Variants in EIF2B5 observed in about 807,000 individuals in gnomAD.
EIF2B5 encodes translation initiation factor eIF2B subunit epsilon.
In EIF2B5, 38 loss-of-function variants were observed where a neutral mutation model predicts 87.3. The ratio of observed to expected loss-of-function variants is 0.44; its 90% CI spans 0.34 to 0.57. EIF2B5 has a LOEUF of 0.57. Among genes scored for constraint, EIF2B5 ranks in the 20% least tolerant of loss-of-function variants. EIF2B5 has a pLI of 0.02. For missense variants in EIF2B5, 784 were observed against 909.5 expected (o/e 0.86, Z 1.78); for synonymous variants, 313 against 339.6 (o/e 0.92, Z 0.86).
Position 184,140,656 on chromosome 3 carries a change from T to C in EIF2B5, c.1082T>C (p.Leu361Pro), listed in dbSNP as rs894280657. 6.2e-7 allele frequency: 1 copy of C among 1,614,044 alleles called. No homozygotes were observed. Among genetic ancestry groups the C allele is most frequent in the Non-Finnish European group, 8.5e-7 (1 of 1,180,036 alleles). ...GGCAGCATCCTAGAGGAAAATGTGC[T>C]CCTGGGCTCTGGCACTGTCATTGGC... is the stretch of plus-strand genomic sequence containing the variant. ...GHGSILEENV[L>P]LGSGTVIGSN... The change falls in exon 7 of 16, where the codon CTC becomes CCC. Residue 361 changes from leucine to proline, a missense_variant. Coordinates refer to ENST00000648915, the MANE Select transcript of EIF2B5 (RefSeq NM_003907.3).
chr3:184,141,638 G>A lies in EIF2B5; in HGVS notation c.1157-287G>A, dbSNP rs371855287. ...GAATTATTTGGTTCTGCTTGTAGGCGTGGATATGATTCTAATAAGGTTTTT... is the reference window on the plus strand; with the variant it reads ...GAATTATTTGGTTCTGCTTGTAGGCATGGATATGATTCTAATAAGGTTTTT... On this transcript the variant is annotated intron_variant, in intron 7 of 15. Coordinates refer to ENST00000648915, the MANE Select transcript of EIF2B5 (RefSeq NM_003907.3). Among the ~76,000 whole-genome samples the A allele has an allele frequency of 1.3e-4, 20 of 152,250 alleles. No individual in the cohort carries two copies. The East Asian group carries it at 1.4e-3, about 10-fold the overall frequency.
At chr3:184,137,490 A>G in intron 2 of EIF2B5, 130 bp from the exon 3 acceptor site, 1 of 825,730 alleles carries the variant, frequency 1.2e-6, no homozygotes. Flanking sequence ...TTTGAAGTTG[A>G]AGACGCTGGC....
chr3:184,139,117 G>A (rs945344203), intron 5 of EIF2B5, among the ~76,000 whole-genome samples: 4 of 151,792 alleles, frequency 2.6e-5, no homozygotes, highest in South Asian at 2.1e-4. Context: ...CTACAGGTAC[G>A]CACCACCACA....
intron 2 of EIF2B5, chr3:184,137,062 G>A (rs1577029204): frequency 2.7e-6 from 1 of 377,138 alleles, no homozygotes; most frequent in East Asian, 6.7e-5. Flanking sequence ...TTCCCACTGA[G>A]TTTCTAAATC....
Position 184,145,116 on chromosome 3 carries a change from A to T in EIF2B5, c.*173A>T, listed in dbSNP as rs1713811807. On this transcript the variant is annotated 3_prime_UTR_variant, in exon 16 of 16. Transcript: ENST00000648915. The surrounding 1 kb of genome is among the most constrained non-coding windows in gnomAD (Gnocchi z 4.0). ...CCCTGCTAGCAACCATGTGCCTCCC[A>T]TCCTGACTGTGGAGTTGGGATGTGG... The T allele has an allele frequency of 2.9e-6, 2 of 688,394 alleles. No individual in the cohort carries two copies. Among genetic ancestry groups the T allele is most frequent in the African/African-American group, 1.8e-5 (1 of 56,948 alleles). 42.6% of individuals were successfully genotyped at this position (688,394 alleles called of 1,614,324 possible).
At chr3:184,143,658 C>A (rs907662592) in intron 13 of EIF2B5, 93 bp downstream of exon 13, 4 of 1,590,140 alleles carry the variant, frequency 2.5e-6, no homozygotes, top group Non-Finnish European at 3.4e-6. Flanking sequence ...TATGTCACTT[C>A]TGGTTCCTTT....
intron 1 of EIF2B5, among the ~76,000 whole-genome samples, chr3:184,136,280 G>A (rs1024419010): frequency 6.6e-6 from 1 of 152,186 alleles, no homozygotes; most frequent in African/African-American, 2.4e-5. Context: ...AAATCTTATG[G>A]GGAAGAAGGC....
chr3:184,137,645 T>A lies in EIF2B5; in HGVS notation c.346T>A (p.Ser116Thr). 6.2e-7 allele frequency: 1 copy of A among 1,614,174 alleles called. No homozygotes were observed. The stretch of plus-strand genomic sequence containing the variant: ...GAAGTCAAAGTGGTGCCGCCCTACA[T>A]CTCTCAATGTGGTTCGAATAATTAC... ...LLKSKWCRPT[S>T]LNVVRIITSE... is the part of the protein sequence containing the mutation. Residue 116 changes from serine to threonine, a missense_variant, in exon 3 of 16, where the codon TCT becomes ACT. Physicochemically the swap from Ser to Thr is moderately conservative, Grantham distance 58 (BLOSUM62 1). This residue lies in a region of EIF2B5 where 660 missense variants were observed against 789.5 expected (regional missense o/e 0.84). Coordinates refer to ENST00000648915, the MANE Select transcript of EIF2B5 (RefSeq NM_003907.3).
In EIF2B5 at chr3:184,142,048, C is replaced by T. The variant is rs113994078; in HGVS notation, c.1280C>T (p.Pro427Leu). ...GTCAAGGAACGAGTGACACTGAAACCACGCTCTGTCCTCACTTCCCAGGTG... is the reference window on the plus strand; with the variant it reads ...GTCAAGGAACGAGTGACACTGAAACTACGCTCTGTCCTCACTTCCCAGGTG... ...AEVKERVTLK[P>L]RSVLTSQVVV... The change falls in exon 8 of 16, where the codon CCA becomes CTA. Residue 427 changes from proline (P) to leucine (L), a missense_variant. Around this residue, in one of 3 missense-constraint regions of EIF2B5, gnomAD observed 660 missense variants for 789.5 expected, o/e 0.84. Transcript: ENST00000648915. This position sits in a 1 kb window ranked among gnomAD's most constrained non-coding sequence, Gnocchi z 5.0. 6.8e-6 allele frequency: 11 copies of T among 1,614,160 alleles called. No homozygotes were observed. The highest frequency in any genetic ancestry group is 9.3e-6 in the Non-Finnish European group (11 of 1,180,034).
chr3:184,142,186 G>A lies in EIF2B5; in HGVS notation c.1303-51G>A. On this transcript the variant is annotated intron_variant, in intron 8 of 15. Transcript: ENST00000648915. This position sits in a 1 kb window ranked among gnomAD's most constrained non-coding sequence, Gnocchi z 5.0. ...CTAAAAAAGTTGCTCTCATTATCAG[G>A]ATGCACTTTTCCTCCACACCCTAAT... 1 of 1,614,014 alleles carries A rather than the reference G, an allele frequency of 6.2e-7. No homozygotes were observed. The highest frequency in any genetic ancestry group is 8.5e-7 in the Non-Finnish European group (1 of 1,180,008).
Position 184,142,077 on chromosome 3 carries a change from C to A in EIF2B5, c.1302+7C>A, listed in dbSNP as rs943767745. On this transcript the variant is annotated splice_region_variant and intron_variant, in intron 8 of 15. Coordinates refer to ENST00000648915, the MANE Select transcript of EIF2B5 (RefSeq NM_003907.3). This position sits in a 1 kb window ranked among gnomAD's most constrained non-coding sequence, Gnocchi z 5.0. ...CTCTGTCCTCACTTCCCAGGTGAGA[C>A]CTGATCTATACTGTGCACAGGCCCT... is the stretch of plus-strand genomic sequence containing the variant. 2 of 1,614,010 alleles carry A rather than the reference C, an allele frequency of 1.2e-6. No homozygotes were observed. Among genetic ancestry groups the A allele is most frequent in the African/African-American group, 2.7e-5 (2 of 74,906 alleles).
Position 184,142,444 on chromosome 3 carries a change from C to T in EIF2B5, c.1445-58C>T. ...TGCCTCATAGAAGAACCAGTGTTTC[C>T]TCCTGGAGGGATTGGTGCTTCCGCC... On this transcript the variant is annotated intron_variant, in intron 9 of 15. Coordinates refer to ENST00000648915, the MANE Select transcript of EIF2B5 (RefSeq NM_003907.3). The surrounding 1 kb of genome is among the most constrained non-coding windows in gnomAD (Gnocchi z 5.0). The T allele has an allele frequency of 6.2e-7, 1 of 1,614,164 alleles. No individual in the cohort carries two copies. Among genetic ancestry groups the T allele is most frequent in the Non-Finnish European group, 8.5e-7 (1 of 1,180,024 alleles).
Position 184,143,447 on chromosome 3 carries a change from C to T in EIF2B5, c.1751C>T (p.Ala584Val). 6.2e-7 allele frequency: 1 copy of T among 1,614,160 alleles called. No homozygotes were observed. Among genetic ancestry groups the T allele is most frequent in the East Asian group, 2.2e-5 (1 of 44,884 alleles). Residue 584 changes from alanine to valine, a missense_variant, in exon 13 of 16, where the codon GCC (alanine) becomes GTC (valine). Physicochemically the swap from Ala to Val is moderately conservative, Grantham distance 64 (BLOSUM62 0). Around this residue, in one of 3 missense-constraint regions of EIF2B5, gnomAD observed 660 missense variants for 789.5 expected, o/e 0.84. Transcript: ENST00000648915. ...LVLEINSLKY[A>V]YNISLKEVMQ... Reference sequence around the variant, plus strand: ...TCACCCCAGTCTCCCCACAGGTATGCCTATAACATAAGTCTAAAGGAGGTG... The same window carrying T: ...TCACCCCAGTCTCCCCACAGGTATGTCTATAACATAAGTCTAAAGGAGGTG...
Position 184,135,544 on chromosome 3 carries a change from T to A in EIF2B5, c.159T>A (p.Asp53Glu). The A allele has an allele frequency of 6.3e-7, 1 of 1,591,008 alleles. No individual in the cohort carries two copies. The highest frequency in any genetic ancestry group is 1.7e-5 in the Admixed American group (1 of 57,322). The change falls in exon 1 of 16, where the codon GAT (aspartate) becomes GAA (glutamate). Residue 53 changes from aspartate (D) to glutamate (E), a missense_variant. Asp to Glu is a conservative substitution (Grantham distance 45). Around this residue, in one of 3 missense-constraint regions of EIF2B5, gnomAD observed 117 missense variants for 101.0 expected, o/e 1.16. Transcript: ENST00000648915. ...CAGTTCTGGTGGCCGATAGCTTCGATCGCCGCTTCTTCCCCATCTCCAAGG... is the reference window on the plus strand; with the variant it reads ...CAGTTCTGGTGGCCGATAGCTTCGAACGCCGCTTCTTCCCCATCTCCAAGG... ...LQAVLVADSF[D>E]RRFFPISKDQ... is the part of the protein sequence containing the mutation.
chr3:184,144,571 A>AG (rs1713780026), intron 14 of EIF2B5, 26 bp from the exon 15 acceptor site: 1 of 1,604,228 alleles, frequency 6.2e-7, no homozygotes, highest in Non-Finnish European at 8.5e-7. Context: ...AAGGCCCCTG[A>AG]GGTCCCCTTT....
Position 184,138,263 on chromosome 3 carries a change from T to C in EIF2B5, c.765+17T>C. On this transcript the variant is annotated intron_variant, in intron 5 of 15. Coordinates refer to ENST00000648915, the MANE Select transcript of EIF2B5 (RefSeq NM_003907.3). ...TCTCCTCAGGTGAGCTCTTTAGGGC[T>C]GGGGCTGCACACCCAAAGAGTAGAA... 1.9e-6 allele frequency: 3 copies of C among 1,611,846 alleles called. No individual in the cohort carries two copies. Among genetic ancestry groups the C allele is most frequent in the Non-Finnish European group, 2.5e-6 (3 of 1,178,798 alleles).
intron 5 of EIF2B5, chr3:184,138,818 C>T (rs1368523675): frequency 7.4e-6 from 2 of 271,868 alleles, no homozygotes; most frequent in Non-Finnish European, 1.5e-5. Flanking sequence ...CAGGCATGCA[C>T]TACCACTAAT....
intron 5 of EIF2B5, among the ~76,000 whole-genome samples, 188 bp from the exon 6 acceptor site, chr3:184,139,892 G>A (rs567801208): frequency 4.0e-5 from 6 of 151,642 alleles, no homozygotes; most frequent in South Asian, 4.2e-4. Flanking sequence ...GCGTGGTGGC[G>A]GACGCTTGTA....
Position 184,142,145 on chromosome 3 carries a change from C to T in EIF2B5, c.1302+75C>T. On this transcript the variant is annotated intron_variant, in intron 8 of 15. Coordinates refer to ENST00000648915, the MANE Select transcript of EIF2B5 (RefSeq NM_003907.3). The surrounding 1 kb of genome is among the most constrained non-coding windows in gnomAD (Gnocchi z 5.0). ...CACTGAGCCAGAAGGGGCATTATTTCCACCCATAATCCTGTCTAAAAAAGT... is the reference window on the plus strand; with the variant it reads ...CACTGAGCCAGAAGGGGCATTATTTTCACCCATAATCCTGTCTAAAAAAGT... 5 of 1,613,874 alleles carry T rather than the reference C, an allele frequency of 3.1e-6. No homozygotes were observed. Among genetic ancestry groups the T allele is most frequent in the Non-Finnish European group, 2.5e-6 (3 of 1,179,888 alleles).
Sources: allele counts gnomAD v4.1 joint callset (sites outside exome capture counted in the v4.1 genomes callset), GRCh38; gene constraint gnomAD v4.1.1; regional missense constraint gnomAD v4.1.1; non-coding constraint Gnocchi (gnomAD v3.1); transcripts MANE v1.5; gene names NCBI Gene and HGNC (gene_info 2026-07-23, HGNC 2026-07-21).